The following EML5 variants were observed in gnomAD, a reference collection of about 807,000 sequenced individuals.
The protein encoded by EML5 is echinoderm microtubule-associated protein-like 5.
Under a neutral mutation model 250.0 loss-of-function variants are expected in EML5, and 120 were observed. The observed-to-expected ratio is 0.48, with a 90% CI of 0.41 to 0.56. The LOEUF is 0.56. EML5 is among the 20% of genes least tolerant of loss of function. The pLI is 0.00. For synonymous variants in EML5, 771 were observed against 806.5 expected, an observed-to-expected ratio of 0.96 and a Z score of 0.75; for missense variants, 2,006 against 2,437.6, an observed-to-expected ratio of 0.82 and a Z score of 3.73.
intron 19 of EML5, among the ~76,000 whole-genome samples, chr14:88,686,914 A>G (rs1049394742): frequency 4.6e-5 from 7 of 152,244 alleles, no homozygotes; most frequent in African/African-American, 1.7e-4. Flanking sequence ...AAAGTTGCAC[A>G]CAAGTTCCTG....
chr14:88,726,250 G>C (rs1390433561), intron 8 of EML5, among the ~76,000 whole-genome samples: 1 of 152,134 alleles, frequency 6.6e-6, no homozygotes, highest in Non-Finnish European at 1.5e-5. Context: ...GGAAAAGGTA[G>C]TTGGGACCCA....
At chr14:88,729,147 T>C (rs1253908505) in intron 7 of EML5, among the ~76,000 whole-genome samples, 1 of 152,148 alleles carries the variant, frequency 6.6e-6, no homozygotes, top group Non-Finnish European at 1.5e-5. Context: ...AATCTGTGTG[T>C]GTGTACGTGT....
chr14:88,631,511 G>A (rs1408979792), intron 33 of EML5, among the ~76,000 whole-genome samples: 1 of 152,196 alleles, frequency 6.6e-6, no homozygotes, highest in Admixed American at 6.5e-5. Flanking sequence ...GCTCACGCCT[G>A]TAATCCCAGC....
intron 33 of EML5, among the ~76,000 whole-genome samples, chr14:88,634,178 T>C (rs1300632180): frequency 6.6e-6 from 1 of 152,174 alleles, no homozygotes; most frequent in African/African-American, 2.4e-5. Flanking sequence ...TCTGCTCGTT[T>C]AAACGTGTAG....
In EML5 at chr14:88,775,310, CT is replaced by C. The variant is rs567488352; in HGVS notation, c.197+16996del. Among the ~76,000 whole-genome samples the C allele has an allele frequency of 4.0e-3, 611 of 152,296 alleles. 3 individuals carry two copies. The highest frequency in any genetic ancestry group is 6.2e-3 in the Non-Finnish European group (421 of 68,018). ...GGGTGGGTAGATCACCAAGTGGGAT[CT>C]TTGGGTCCCCAATTCCAGAACCTGA... On this transcript the variant is annotated intron_variant, in intron 1 of 43. Coordinates refer to ENST00000554922, the MANE Select transcript of EML5 (RefSeq NM_183387.3).
intron 21 of EML5, among the ~76,000 whole-genome samples, chr14:88,678,638 A>C (rs527660837): frequency 2.6e-5 from 4 of 152,268 alleles, no homozygotes; most frequent in East Asian, 1.9e-4. Context: ...CCATTATTTC[A>C]AAATTTTAAA....
intron 8 of EML5, among the ~76,000 whole-genome samples, chr14:88,723,681 A>G (rs955786448): frequency 2.0e-5 from 3 of 152,236 alleles, no homozygotes; most frequent in Admixed American, 1.3e-4. Context: ...AAGTATATGT[A>G]TAACCAAAAT....
At chr14:88,643,729 A>C (rs1312013248) in intron 30 of EML5, among the ~76,000 whole-genome samples, 1 of 152,246 alleles carries the variant, frequency 6.6e-6, no homozygotes, top group Non-Finnish European at 1.5e-5. Flanking sequence ...CAAACAGTAC[A>C]TTCATCATCG....
intron 28 of EML5, 128 bp downstream of exon 28, chr14:88,649,784 C>T: frequency 1.4e-6 from 1 of 739,744 alleles, no homozygotes; most frequent in South Asian, 2.2e-5. Context: ...TGTCCTACTT[C>T]ATTTTATAAT....
Position 88,649,932 on chromosome 14 carries a change from A to C in EML5, c.4005-6T>G. On this transcript the variant is annotated splice_region_variant and splice_polypyrimidine_tract_variant and intron_variant, in intron 27 of 43. Coordinates refer to ENST00000554922, the MANE Select transcript of EML5 (RefSeq NM_183387.3). ...CTTACCTTACTACTCCCTGCCTTCA[A>C]AAGGAGCAAGGGGGAAAAAAGTAGG... The C allele has an allele frequency of 6.7e-7, 1 of 1,492,632 alleles. No homozygotes were observed. Among genetic ancestry groups the C allele is most frequent in the South Asian group, 1.4e-5 (1 of 72,206 alleles). The allele number at this position is 1,492,632 out of a possible 1,614,324, so 92.5% of individuals were successfully genotyped here.
At chr14:88,630,080 G>A (rs920186226) in intron 33 of EML5, among the ~76,000 whole-genome samples, 1 of 144,764 alleles carries the variant, frequency 6.9e-6, no homozygotes, top group South Asian at 2.2e-4. Context: ...GCCCAGGCTG[G>A]AGTGCAATGG....
Position 88,620,811 on chromosome 14 carries a change from CTCA to C in EML5, c.5315_5317del (p.Val1772_Ser1773delinsGly). 4 of 1,608,864 alleles carry C rather than the reference CTCA, an allele frequency of 2.5e-6. No homozygotes were observed. Among genetic ancestry groups the C allele is most frequent in the Non-Finnish European group, 3.4e-6 (4 of 1,177,882 alleles). On this transcript the variant is annotated inframe_deletion, in exon 39 of 44. Transcript: ENST00000554922. The surrounding 1 kb of genome is among the most constrained non-coding windows in gnomAD (Gnocchi z 4.3). Reference sequence around the variant, plus strand: ...CTTCTTTCCCCATATTTTTAGAGAACTCACTAGTAAAATGATAAATTCTCCATT... The same window carrying C: ...CTTCTTTCCCCATATTTTTAGAGAACCTAGTAAAATGATAAATTCTCCATT...
At chr14:88,723,007 A>G (rs557664208) in intron 8 of EML5, among the ~76,000 whole-genome samples, 4 of 152,338 alleles carry the variant, frequency 2.6e-5, no homozygotes, top group Admixed American at 6.5e-5. Flanking sequence ...ATATTTGAAG[A>G]AGGAGGGAAG....
Position 88,706,441 on chromosome 14 carries a change from T to C in EML5, c.1658-15A>G. ...AAACTTGGCCCCTATAATAAAAATA[T>C]ATCTTTAAATTGATAAACAAATGCT... On this transcript the variant is annotated splice_polypyrimidine_tract_variant and intron_variant, in intron 10 of 43. Coordinates refer to ENST00000554922, the MANE Select transcript of EML5 (RefSeq NM_183387.3). 6.8e-7 allele frequency: 1 copy of C among 1,470,560 alleles called. No homozygotes were observed. Among genetic ancestry groups the C allele is most frequent in the Non-Finnish European group, 9.0e-7 (1 of 1,110,520 alleles). 91.1% of individuals were successfully genotyped at this position (1,470,560 alleles called of 1,614,324 possible).
At chr14:88,780,605 T>C (rs2094488664) in intron 1 of EML5, among the ~76,000 whole-genome samples, 1 of 152,108 alleles carries the variant, frequency 6.6e-6, no homozygotes, top group Admixed American at 6.5e-5. Flanking sequence ...GGAGTCTCAC[T>C]CACTGTGTCA....
At chr14:88,700,709 C>T (rs1226867603) in intron 14 of EML5, among the ~76,000 whole-genome samples, 1 of 152,080 alleles carries the variant, frequency 6.6e-6, no homozygotes, top group African/African-American at 2.4e-5. Flanking sequence ...AAAACAAACA[C>T]AAAAACCTGA....
At chr14:88,643,132 A>G in intron 30 of EML5, 110 bp from the exon 31 acceptor site, 2 of 1,067,450 alleles carry the variant, frequency 1.9e-6, no homozygotes, top group Non-Finnish European at 2.6e-6. Flanking sequence ...TGGAGTATGC[A>G]TTTTTGATGT....
intron 16 of EML5, 120 bp from the exon 17 acceptor site, chr14:88,694,527 C>G (rs1051275838): frequency 1.4e-6 from 1 of 689,810 alleles, no homozygotes; most frequent in African/African-American, 1.8e-5. Flanking sequence ...CCACTTATCT[C>G]TCAGGTTTGG....
intron 4 of EML5, among the ~76,000 whole-genome samples, chr14:88,743,075 A>C (rs931433881): frequency 6.6e-6 from 1 of 152,122 alleles, no homozygotes; most frequent in African/African-American, 2.4e-5. Context: ...AGCTGTAATT[A>C]TAAAACAAAA....
Sources: gnomAD v4.1 joint callset for allele counts (sites outside exome capture counted in the v4.1 genomes callset) on GRCh38, gnomAD v4.1.1 for gene constraint, Gnocchi (gnomAD v3.1) non-coding constraint, MANE v1.5 for transcripts, NCBI Gene and HGNC (gene_info 2026-07-23, HGNC 2026-07-21) for gene names.